Variants in SEC31A observed in about 807,000 individuals in gnomAD.
SEC31A encodes the protein SEC31 homolog A, COPII component.
A neutral mutation model predicts 151.0 loss-of-function variants in SEC31A; 70 were observed. That is an observed-to-expected ratio of 0.46 (90% CI 0.38 to 0.57). The LOEUF (loss-of-function observed/expected upper bound fraction) is 0.57. Among genes scored for constraint, SEC31A ranks in the 20% least tolerant of loss-of-function variants. The probability of loss-of-function intolerance (pLI) is 0.00; values close to 1 mark genes in which losing one functional copy is unlikely to be tolerated. For missense variants in SEC31A, 1,330 were observed against 1,471.2 expected (o/e 0.90, Z 1.57); for synonymous variants, 475 against 505.9 (o/e 0.94, Z 0.82).
chr4:82,884,373 T>C (rs768424681), intron 1 of SEC31A, among the ~76,000 whole-genome samples: 2 of 152,168 alleles, frequency 1.3e-5, no homozygotes, highest in East Asian at 1.9e-4. Flanking sequence ...TCACCTTTCA[T>C]AGGATTTTGA....
intron 1 of SEC31A, among the ~76,000 whole-genome samples, chr4:82,887,631 G>A (rs1050249284): frequency 6.6e-6 from 1 of 152,226 alleles, no homozygotes; most frequent in African/African-American, 2.4e-5. Flanking sequence ...CTATACTACA[G>A]GGTTGTTGTG....
chr4:82,876,245 G>C (rs561978684), intron 4 of SEC31A, among the ~76,000 whole-genome samples: 2 of 151,850 alleles, frequency 1.3e-5, no homozygotes, highest in Non-Finnish European at 2.9e-5. Context: ...CGAGTAGCTA[G>C]GATTACAGGC....
At chr4:82,898,938 TA>T (rs200444133) in intron 3 of SEC31A, among the ~76,000 whole-genome samples, 21 of 146,476 alleles carry the variant, frequency 1.4e-4, no homozygotes, top group East Asian at 1.2e-3. Flanking sequence ...TTCATAATAG[TA>T]AAAAAAAAAA....
chr4:82,854,625 G>T (rs1732219479), intron 17 of SEC31A, among the ~76,000 whole-genome samples: 1 of 151,138 alleles, frequency 6.6e-6, no homozygotes. Context: ...GGCTTAGAAA[G>T]TAGTTCTTCC....
At chr4:82,892,443 C>T (rs909177032), upstream of SEC31A, among the ~76,000 whole-genome samples, 2 of 152,368 alleles carry the variant, frequency 1.3e-5, no homozygotes, top group Non-Finnish European at 2.9e-5. Context: ...GTCTGGGTCT[C>T]AACCTATCTT....
At chr4:82,881,068 A>T in intron 2 of SEC31A, 146 bp from the exon 3 acceptor site, 1 of 661,430 alleles carries the variant, frequency 1.5e-6, no homozygotes, top group Non-Finnish European at 2.6e-6. Context: ...AAATTACTAT[A>T]GCAATGAGAT....
intron 24 of SEC31A, among the ~76,000 whole-genome samples, chr4:82,827,000 C>T (rs150795629): frequency 1.4e-3 from 206 of 152,314 alleles, no homozygotes; most frequent in African/African-American, 4.8e-3. Flanking sequence ...TATACATACA[C>T]ATAAAAATAT....
chr4:82,883,753 C>T (rs1017664884), intron 1 of SEC31A, among the ~76,000 whole-genome samples: 8 of 151,060 alleles, frequency 5.3e-5, no homozygotes, highest in African/African-American at 9.7e-5. Flanking sequence ...TGTTTGAGCC[C>T]GGGAAGTTGA....
chr4:82,865,536 GTATA>G lies in SEC31A; in HGVS notation c.1198-942_1198-939del, dbSNP rs55681370. ...AAATGAATGGATAAAAAAAAATGTG[GTATA>G]TATATATATATATATATATATATAT... On this transcript the variant is annotated intron_variant, in intron 10 of 26. Transcript: ENST00000395310. Among the ~76,000 whole-genome samples, 950 of 136,114 alleles carry G rather than the reference GTATA, an allele frequency of 7.0e-3. 9 individuals carry two copies. The highest frequency in any genetic ancestry group is 0.01 in the Non-Finnish European group (648 of 63,336). 89.3% of individuals were successfully genotyped at this position (136,114 alleles called of 152,430 possible).
At position 82,887,041 on chromosome 4, in the gene SEC31A, T is replaced by C. The variant is rs552791704; in HGVS notation, c.-5+4047A>G. On this transcript the variant is annotated intron_variant, in intron 1 of 26. Coordinates refer to ENST00000395310, the MANE Select transcript of SEC31A (RefSeq NM_001077207.4). ...AGACTAATGAGCTAGAGTGACCAGTTTCAGATAAAACATTTACTTTTAAAT... is the reference window on the plus strand; with the variant it reads ...AGACTAATGAGCTAGAGTGACCAGTCTCAGATAAAACATTTACTTTTAAAT... Among the ~76,000 whole-genome samples the C allele has an allele frequency of 5.3e-5, 8 of 152,312 alleles. No homozygotes were observed. The East Asian group carries it at 1.2e-3, about 22-fold the overall frequency.
At chr4:82,849,129 A>G (rs1178011737) in intron 19 of SEC31A, 152 bp from the exon 20 acceptor site, 9 of 702,478 alleles carry the variant, frequency 1.3e-5, no homozygotes, top group East Asian at 5.6e-5. Context: ...CAGATTTGAC[A>G]TTGTGCTTTC....
At chr4:82,845,929 T>C (rs1730019789) in intron 20 of SEC31A, among the ~76,000 whole-genome samples, 1 of 152,144 alleles carries the variant, frequency 6.6e-6, no homozygotes, top group South Asian at 2.1e-4. Context: ...CCAAGTCACC[T>C]GATTTCCAGG....
At chr4:82,852,292 TGC>T (rs1731621793) in intron 18 of SEC31A, among the ~76,000 whole-genome samples, 2 of 152,196 alleles carry the variant, frequency 1.3e-5, no homozygotes, top group Non-Finnish European at 2.9e-5. Flanking sequence ...ATTTCTTCAT[TGC>T]AGTATGAAAA....
rs1384710022 is a variant in SEC31A, at chr4:82,873,753, C to CA, written c.639+857dup. Among the ~76,000 whole-genome samples the CA allele has an allele frequency of 4.6e-4, 68 of 148,016 alleles. No individual in the cohort carries two copies. In the East Asian group the frequency reaches 8.7e-3, roughly 19 times the overall value. ...ACTATCCAATGTACTCATAAACAAACAAACAAAAAAAGCTCCAAATTATAT... is the reference window on the plus strand; with the variant it reads ...ACTATCCAATGTACTCATAAACAAACAAAACAAAAAAAGCTCCAAATTATAT... On this transcript the variant is annotated intron_variant, in intron 6 of 26. Coordinates refer to ENST00000395310, the MANE Select transcript of SEC31A (RefSeq NM_001077207.4).
chr4:82,869,305 T>C (rs958357248), intron 8 of SEC31A, among the ~76,000 whole-genome samples: 1 of 151,096 alleles, frequency 6.6e-6, no homozygotes, highest in Admixed American at 6.6e-5. Context: ...TATTTTTTTT[T>C]TTTTTCAGTA....
At chr4:82,830,968 C>A in intron 22 of SEC31A, 1 of 1,209,730 alleles carries the variant, frequency 8.3e-7, no homozygotes, top group Non-Finnish European at 1.1e-6. Flanking sequence ...CTTGGATAGA[C>A]TGGTTTTCTG....
At chr4:82,868,560 AC>A (rs1484386331) in intron 8 of SEC31A, among the ~76,000 whole-genome samples, 4 of 152,068 alleles carry the variant, frequency 2.6e-5, no homozygotes. Flanking sequence ...CTTATATGAA[AC>A]CTTCACAATG....
chr4:82,851,803 G>C (rs1259442328), intron 18 of SEC31A, among the ~76,000 whole-genome samples, 199 bp from the exon 19 acceptor site: 1 of 152,184 alleles, frequency 6.6e-6, no homozygotes, highest in East Asian at 1.9e-4. Flanking sequence ...CTTATGGATA[G>C]GGTAGGATAG....
At chr4:82,885,036 A>G (rs1740368798) in intron 1 of SEC31A, among the ~76,000 whole-genome samples, 1 of 152,196 alleles carries the variant, frequency 6.6e-6, no homozygotes, top group African/African-American at 2.4e-5. Context: ...TTCACTGTCA[A>G]ATATACACTT....
Sources: allele counts gnomAD v4.1 joint callset (sites outside exome capture counted in the v4.1 genomes callset), GRCh38; gene constraint gnomAD v4.1.1; transcripts MANE v1.5; gene names NCBI Gene and HGNC (gene_info 2026-07-23, HGNC 2026-07-21).